The following RAD54B variants were observed in gnomAD, a reference collection of about 807,000 sequenced individuals.
RAD54B encodes the protein DNA repair and recombination protein RAD54B.
RAD54B carries 78 observed loss-of-function variants against 95.8 expected under a neutral mutation model. That is an observed-to-expected ratio of 0.81 (90% confidence interval 0.68 to 0.98). RAD54B has a LOEUF of 0.98. RAD54B is among the 50% of genes least tolerant of loss of function. The probability of loss-of-function intolerance (pLI) is 0.00; values close to 1 mark genes in which losing one functional copy is unlikely to be tolerated. For synonymous variants in RAD54B, 328 were observed against 354.9 expected, an observed-to-expected ratio of 0.92 and a Z score of 0.85; for missense variants, 957 against 1,056.6, an observed-to-expected ratio of 0.91 and a Z score of 1.31.
intron 3 of RAD54B, among the ~76,000 whole-genome samples, chr8:94,426,733 T>G (rs1811951581): frequency 6.6e-6 from 1 of 152,182 alleles, no homozygotes; most frequent in Admixed American, 6.5e-5. Context: ...AGAGAGGACT[T>G]TCTGAGGTGA....
intron 3 of RAD54B, among the ~76,000 whole-genome samples, chr8:94,438,678 GTAT>G (rs1368245135): frequency 6.6e-6 from 1 of 152,222 alleles, no homozygotes; most frequent in South Asian, 2.1e-4. Context: ...AGAAATACAG[GTAT>G]TATGTTAAGA....
chr8:94,436,906 C>G, intron 3 of RAD54B: 14 of 1,486,536 alleles, frequency 9.4e-6, no homozygotes, highest in Non-Finnish European at 1.2e-5. Flanking sequence ...TCTGAAACCA[C>G]CATGCAGCCT....
intron 2 of RAD54B, 152 bp downstream of exon 2, chr8:94,467,253 T>A (rs1004097556): frequency 1.9e-5 from 13 of 684,172 alleles, no homozygotes; most frequent in Middle Eastern, 4.4e-4. Context: ...AAAAAAATTA[T>A]GTAATCTTCA....
chr8:94,389,406 T>A (rs942853150), intron 10 of RAD54B, among the ~76,000 whole-genome samples: 1 of 152,260 alleles, frequency 6.6e-6, no homozygotes, highest in Non-Finnish European at 1.5e-5. Context: ...AATGTAATTT[T>A]AAGAGCTTCC....
chr8:94,400,120 A>T, intron 7 of RAD54B, 118 bp downstream of exon 7: 1 of 866,348 alleles, frequency 1.2e-6, no homozygotes, highest in East Asian at 2.6e-5. Flanking sequence ...CCAAAATGTA[A>T]GCTAAAACTC....
chr8:94,420,286 C>T (rs1024911466), intron 3 of RAD54B, among the ~76,000 whole-genome samples: 7 of 105,300 alleles, frequency 6.6e-5, no homozygotes, highest in African/African-American at 2.5e-4. Context: ...AAGACAGAGT[C>T]TCACTGTCAC....
intron 3 of RAD54B, chr8:94,436,969 C>T: frequency 7.0e-7 from 1 of 1,430,458 alleles, no homozygotes; most frequent in African/African-American, 1.5e-5. Context: ...CTTAACTAGG[C>T]TAGCCTCATT....
At chr8:94,399,726 T>G in intron 7 of RAD54B, 105 bp from the exon 8 acceptor site, 1 of 1,384,476 alleles carries the variant, frequency 7.2e-7, no homozygotes, top group Non-Finnish European at 9.5e-7. Flanking sequence ...TGGAATGTGT[T>G]AACTCTTTCT....
intron 3 of RAD54B, chr8:94,432,708 G>A (rs572541899): frequency 1.6e-5 from 23 of 1,394,196 alleles, no homozygotes; most frequent in Admixed American, 3.1e-5. Flanking sequence ...AAGAAAAAGT[G>A]TATATTTATA....
At position 94,391,614 on chromosome 8, in the gene RAD54B, T is replaced by C. The variant is rs758598200; in HGVS notation, c.1804A>G (p.Ile602Val). The stretch of plus-strand genomic sequence containing the variant: ...TTCAGATACTATGCACTTACCTTTA[T>C]AGAGTTGAACAAAAGGCAGGGGTGA... ...CNHPCLLFNS[I>V]KEKECSSTCD... The change falls in exon 10 of 15, where the codon ATA becomes GTA. Residue 602 changes from isoleucine (I) to valine (V), a missense_variant. Physicochemically the swap from Ile to Val is conservative, Grantham distance 29. Coordinates refer to ENST00000336148, the MANE Select transcript of RAD54B (RefSeq NM_012415.3). 9.3e-6 allele frequency: 15 copies of C among 1,613,102 alleles called. No homozygotes were observed. Among genetic ancestry groups the C allele is most frequent in the Non-Finnish European group, 1.2e-5 (14 of 1,179,748 alleles).
chr8:94,389,292 A>G (rs1810962458), intron 10 of RAD54B, among the ~76,000 whole-genome samples: 1 of 152,208 alleles, frequency 6.6e-6, no homozygotes, highest in Non-Finnish European at 1.5e-5. Context: ...TTAACCAAGA[A>G]CACGTATTAG....
intron 2 of RAD54B, among the ~76,000 whole-genome samples, chr8:94,463,927 A>G (rs1440024588): frequency 6.6e-6 from 1 of 151,264 alleles, no homozygotes; most frequent in Non-Finnish European, 1.5e-5. Context: ...AGAAAGAAAA[A>G]AGAGAGAAAC....
At chr8:94,412,879 G>A (rs549600168) in intron 3 of RAD54B, among the ~76,000 whole-genome samples, 1 of 152,140 alleles carries the variant, frequency 6.6e-6, no homozygotes, top group Non-Finnish European at 1.5e-5. Flanking sequence ...CAAGATGCAA[G>A]GTTCATATGC....
rs368187559 is a variant in RAD54B at position 94,399,623 on chromosome 8, T to G, written c.1171-2A>C. 1 of 1,596,288 alleles carries G rather than the reference T, an allele frequency of 6.3e-7. No homozygotes were observed. The highest frequency in any genetic ancestry group is 2.2e-5 in the East Asian group (1 of 44,654). On this transcript the variant is annotated splice_acceptor_variant, in intron 7 of 14. Coordinates refer to ENST00000336148, the MANE Select transcript of RAD54B (RefSeq NM_012415.3). LOFTEE classifies it high-confidence loss of function. Reference sequence around the variant, plus strand: ...GATGAATTCTTCAACTTTGTGGTCCTGAGGAAAAAAGATAGTATTTTAAAA... The same window carrying G: ...GATGAATTCTTCAACTTTGTGGTCCGGAGGAAAAAAGATAGTATTTTAAAA...
intron 2 of RAD54B, among the ~76,000 whole-genome samples, chr8:94,466,129 T>C (rs1332814107): frequency 1.3e-5 from 2 of 152,232 alleles, no homozygotes; most frequent in Non-Finnish European, 2.9e-5. Context: ...TGCCACTTAA[T>C]TGTACACTTA....
chr8:94,462,035 G>A lies in RAD54B; in HGVS notation c.136-3599C>T, dbSNP rs184251348. On this transcript the variant is annotated intron_variant, in intron 2 of 14. Coordinates refer to ENST00000336148, the MANE Select transcript of RAD54B (RefSeq NM_012415.3). ...CCTTCAATCTCTAACTTCATTCATC[G>A]TTTCTGGTCTTGAAATTTCAAAATT... 8.6e-5 allele frequency among the ~76,000 whole-genome samples: 13 copies of A among 151,960 alleles called. No individual in the cohort carries two copies. The East Asian group carries it at 1.7e-3, about 20-fold the overall frequency.
At chr8:94,460,401 G>A (rs991428785) in intron 2 of RAD54B, among the ~76,000 whole-genome samples, 1 of 151,996 alleles carries the variant, frequency 6.6e-6, no homozygotes, top group African/African-American at 2.4e-5. Context: ...AGGCCAGGAG[G>A]CCAAGGTTGC....
chr8:94,384,552 T>G (rs1334842719), intron 11 of RAD54B, among the ~76,000 whole-genome samples: 1 of 151,642 alleles, frequency 6.6e-6, no homozygotes, highest in Non-Finnish European at 1.5e-5. Flanking sequence ...GAAATAGTAT[T>G]TCAGTTTTGT....
chr8:94,467,680 C>G (rs1157891582), intron 1 of RAD54B, 125 bp from the exon 2 acceptor site: 1 of 921,598 alleles, frequency 1.1e-6, no homozygotes, highest in Non-Finnish European at 1.6e-6. Context: ...GCCTGGCCCC[C>G]CAAGCATAGA....
Sources: gnomAD v4.1 joint callset for allele counts (sites outside exome capture counted in the v4.1 genomes callset) on GRCh38, gnomAD v4.1.1 for gene constraint, MANE v1.5 for transcripts, NCBI Gene and HGNC (gene_info 2026-07-23, HGNC 2026-07-21) for gene names.